The following DPP10 variants were observed in gnomAD, a reference collection of about 807,000 sequenced individuals.
The protein encoded by DPP10 is inactive dipeptidyl peptidase 10.
DPP10 carries 33 observed loss-of-function variants against 120.9 expected under a neutral mutation model. That is an observed-to-expected ratio of 0.27 (90% CI 0.21 to 0.37). The LOEUF is 0.37. Ranked by LOEUF, DPP10 falls within the 10% of genes least tolerant of loss-of-function variation. DPP10 has a pLI of 1.00. For synonymous variants in DPP10, 337 were observed against 326.1 expected, an observed-to-expected ratio of 1.03 and a Z score of -0.36; for missense variants, 816 against 942.8, an observed-to-expected ratio of 0.87 and a Z score of 1.76.
At chr2:115,567,913 C>T (rs1389920074) in intron 5 of DPP10, among the ~76,000 whole-genome samples, 1 of 152,156 alleles carries the variant, frequency 6.6e-6, no homozygotes, top group African/African-American at 2.4e-5. Context: ...CAGTGGCTCA[C>T]GCCTGTAATC....
At chr2:115,073,354 T>C (rs1027807095) in intron 1 of DPP10, among the ~76,000 whole-genome samples, 1 of 152,222 alleles carries the variant, frequency 6.6e-6, no homozygotes. Context: ...CACTGGTCAA[T>C]TGCATGCATA....
chr2:115,480,101 C>T (rs575694370), intron 3 of DPP10, among the ~76,000 whole-genome samples: 55 of 151,932 alleles, frequency 3.6e-4, no homozygotes, highest in Non-Finnish European at 7.1e-4. Flanking sequence ...CAGCACCATC[C>T]CCTGGGGCAG....
chr2:115,550,326 G>A (rs2079797408), intron 5 of DPP10, among the ~76,000 whole-genome samples: 1 of 151,904 alleles, frequency 6.6e-6, no homozygotes, highest in African/African-American at 2.4e-5. Context: ...AGTTTTTTTT[G>A]TCAAGTTAGA....
chr2:115,058,696 C>T (rs1436409752), intron 1 of DPP10, among the ~76,000 whole-genome samples: 3 of 152,144 alleles, frequency 2.0e-5, no homozygotes, highest in African/African-American at 2.4e-5. Flanking sequence ...CTACCGTGCC[C>T]GGCCTCTTTG....
intron 3 of DPP10, among the ~76,000 whole-genome samples, chr2:115,350,997 T>G (rs769890837): frequency 1.3e-5 from 2 of 152,142 alleles, no homozygotes; most frequent in African/African-American, 4.8e-5. Flanking sequence ...AGAACTAGCA[T>G]TGGACTAGCA....
intron 1 of DPP10, among the ~76,000 whole-genome samples, chr2:114,900,359 A>T (rs867265014): frequency 5.3e-5 from 8 of 152,366 alleles, no homozygotes; most frequent in Middle Eastern, 6.8e-3. Context: ...TCCTACCAAC[A>T]GATTATGAGT....
chr2:114,859,147 C>T (rs913755512), intron 1 of DPP10, among the ~76,000 whole-genome samples: 13 of 150,822 alleles, frequency 8.6e-5, no homozygotes, highest in South Asian at 8.4e-4. Context: ...GCCAAGATAG[C>T]GAAACTCTGT....
intron 5 of DPP10, among the ~76,000 whole-genome samples, chr2:115,537,376 T>G (rs1218082907): frequency 6.6e-6 from 1 of 152,032 alleles, no homozygotes; most frequent in Non-Finnish European, 1.5e-5. Context: ...AAAGTAGAAA[T>G]AGGCTTAGCA....
intron 5 of DPP10, among the ~76,000 whole-genome samples, chr2:115,584,533 T>C (rs1423159605): frequency 6.6e-6 from 1 of 152,212 alleles, no homozygotes; most frequent in Non-Finnish European, 1.5e-5. Context: ...CTAAAATATT[T>C]ACTGTCTGTC....
intron 8 of DPP10, among the ~76,000 whole-genome samples, chr2:115,730,500 T>G (rs1361809799): frequency 1.3e-5 from 2 of 152,302 alleles, no homozygotes; most frequent in African/African-American, 4.8e-5. Context: ...AAAGGTGGTC[T>G]GTAACGTCGA....
intron 5 of DPP10, among the ~76,000 whole-genome samples, chr2:115,681,638 T>C (rs1361365408): frequency 6.6e-6 from 1 of 151,872 alleles, no homozygotes; most frequent in East Asian, 1.9e-4. Flanking sequence ...TATTATTTTC[T>C]CTATTCCCTT....
At chr2:114,640,042 G>C (rs1389846344) in intron 1 of DPP10, among the ~76,000 whole-genome samples, 1 of 151,910 alleles carries the variant, frequency 6.6e-6, no homozygotes, top group Non-Finnish European at 1.5e-5. Flanking sequence ...AGACAAATAG[G>C]ATGTAGTTAC....
intron 5 of DPP10, among the ~76,000 whole-genome samples, chr2:115,657,899 C>A (rs2088536438): frequency 6.6e-6 from 1 of 151,782 alleles, no homozygotes; most frequent in South Asian, 2.1e-4. Context: ...CTGAAGAGAA[C>A]CTTCTTCCAC....
At chr2:114,815,839 C>T (rs190174840) in intron 1 of DPP10, among the ~76,000 whole-genome samples, 7 of 151,546 alleles carry the variant, frequency 4.6e-5, no homozygotes, top group Non-Finnish European at 8.8e-5. Flanking sequence ...AGTTCAGCCA[C>T]CTGTTTTTTG....
At chr2:115,177,757 T>C (rs1415270665) in intron 1 of DPP10, among the ~76,000 whole-genome samples, 1 of 86,886 alleles carries the variant, frequency 1.2e-5, no homozygotes, top group Non-Finnish European at 2.5e-5. Context: ...TTGTTTTGTT[T>C]TTGTTTTTGT....
chr2:115,064,526 G>T, intron 1 of DPP10: 1 of 490,816 alleles, frequency 2.0e-6, no homozygotes, highest in Non-Finnish European at 3.2e-6. Context: ...TCACTCAAAA[G>T]TCTGGCTGAT....
chr2:114,701,260 T>C (rs958502512), intron 1 of DPP10, among the ~76,000 whole-genome samples: 1 of 152,152 alleles, frequency 6.6e-6, no homozygotes, highest in Admixed American at 6.6e-5. Flanking sequence ...TCATTCCATT[T>C]GATCTTTACA....
At chr2:115,018,469 A>G (rs566890705) in intron 1 of DPP10, among the ~76,000 whole-genome samples, 34 of 152,342 alleles carry the variant, frequency 2.2e-4, no homozygotes, top group African/African-American at 7.9e-4. Flanking sequence ...ATGTCCATCA[A>G]TGATAGAATG....
At chr2:115,571,431 A>C (rs919768412) in intron 5 of DPP10, among the ~76,000 whole-genome samples, 5 of 152,086 alleles carry the variant, frequency 3.3e-5, no homozygotes, top group African/African-American at 1.2e-4. Flanking sequence ...CATTTTTAAA[A>C]TCCCTGAGAA....
Sources: allele counts gnomAD v4.1 joint callset (sites outside exome capture counted in the v4.1 genomes callset), GRCh38; gene constraint gnomAD v4.1.1; transcripts MANE v1.5; gene names NCBI Gene and HGNC (gene_info 2026-07-23, HGNC 2026-07-21).